The following EGFR variants were observed in gnomAD, a reference collection of about 807,000 sequenced individuals.
EGFR encodes the protein avian erythroblastic leukemia viral (v-erb-b) oncogene homolog.
Under a neutral mutation model 143.0 loss-of-function variants are expected in EGFR, and 58 were observed. The observed-to-expected ratio is 0.41, with a 90% CI of 0.33 to 0.50. EGFR has a LOEUF of 0.50. EGFR is among the 20% of genes least tolerant of loss of function. The pLI is 0.39. For missense variants in EGFR, 1,307 were observed against 1,579.0 expected, an observed-to-expected ratio of 0.83 and a Z score of 2.92; for synonymous variants, 613 against 594.4, an observed-to-expected ratio of 1.03 and a Z score of -0.45.
At chr7:55,129,192 A>G (rs535876779) in intron 1 of EGFR, among the ~76,000 whole-genome samples, 2 of 152,348 alleles carry the variant, frequency 1.3e-5, no homozygotes, top group East Asian at 3.9e-4. Context: ...GGACTACAGA[A>G]GCCAAGAAGC....
In EGFR at chr7:55,201,431, A is replaced by T. The variant is rs1210142642; in HGVS notation, c.3114+76A>T. 5.0e-6 allele frequency: 8 copies of T among 1,598,828 alleles called. No homozygotes were observed. In the African/African-American group the frequency reaches 1.1e-4, roughly 21 times the overall value. On this transcript the variant is annotated intron_variant, in intron 25 of 27. Coordinates refer to ENST00000275493, the MANE Select transcript of EGFR (RefSeq NM_005228.5). The stretch of plus-strand genomic sequence containing the variant: ...AACAAATTGAATTTTAGGGAAAATA[A>T]CCATCTAGTGAAACTCACATGGATA...
rs765291470 is a variant in EGFR, at chr7:55,155,966, G to T, written c.1006+20G>T. Reference sequence around the variant, plus strand: ...GCAAAGGTAGGAAGCCCGCCGGTGTGCGGACGAGGCTTGTTCTCGGCTGCT... The same window carrying T: ...GCAAAGGTAGGAAGCCCGCCGGTGTTCGGACGAGGCTTGTTCTCGGCTGCT... On this transcript the variant is annotated intron_variant, in intron 8 of 27. Transcript: ENST00000275493. 6 of 1,586,080 alleles carry T rather than the reference G, an allele frequency of 3.8e-6. No individual in the cohort carries two copies. Among genetic ancestry groups the T allele is most frequent in the Non-Finnish European group, 5.2e-6 (6 of 1,156,956 alleles).
chr7:55,143,534 G>C (rs1433851464), intron 3 of EGFR, 46 bp downstream of exon 3: 1 of 1,606,634 alleles, frequency 6.2e-7, no homozygotes, highest in African/African-American at 1.3e-5. Flanking sequence ...AATGCAGACA[G>C]CAGTTCCGAT....
At chr7:55,047,421 T>A (rs970767687) in intron 1 of EGFR, among the ~76,000 whole-genome samples, 8 of 152,234 alleles carry the variant, frequency 5.3e-5, no homozygotes, top group African/African-American at 1.7e-4. Flanking sequence ...GGAAAACATA[T>A]TGTGTGTACT....
intron 1 of EGFR, among the ~76,000 whole-genome samples, chr7:55,038,577 TC>T (rs1787729143): frequency 6.6e-6 from 1 of 152,202 alleles, no homozygotes; most frequent in Non-Finnish European, 1.5e-5. Context: ...AAAGTCATTT[TC>T]TCAAACTGGG....
chr7:55,174,336 G>A (rs551975644), intron 18 of EGFR, among the ~76,000 whole-genome samples: 3 of 152,350 alleles, frequency 2.0e-5, no homozygotes, highest in East Asian at 3.9e-4. Context: ...GCCTCTCACC[G>A]CACGGCATCA....
chr7:55,121,816 T>G (rs928680671), intron 1 of EGFR, among the ~76,000 whole-genome samples: 7 of 152,242 alleles, frequency 4.6e-5, no homozygotes, highest in African/African-American at 1.7e-4. Flanking sequence ...GTACCATAAG[T>G]AATTCAGTCA....
At chr7:55,142,658 A>G (rs1305858503) in intron 2 of EGFR, among the ~76,000 whole-genome samples, 6 of 152,248 alleles carry the variant, frequency 3.9e-5, no homozygotes, top group African/African-American at 1.4e-4. Flanking sequence ...CTGGAGTTCC[A>G]TGTCATCATA....
At chr7:55,160,868 T>C (rs4590392) in intron 12 of EGFR, among the ~76,000 whole-genome samples, 5 of 152,250 alleles carry the variant, frequency 3.3e-5, no homozygotes, top group Non-Finnish European at 7.3e-5. Flanking sequence ...GTTTAGGCTT[T>C]GGCTTCCTCA....
intron 4 of EGFR, among the ~76,000 whole-genome samples, chr7:55,149,565 C>T (rs1045520815): frequency 2.0e-5 from 3 of 152,124 alleles, no homozygotes; most frequent in Non-Finnish European, 4.4e-5. Context: ...TCACGTTCTG[C>T]TTGTGGGCAT....
At chr7:55,154,339 C>A (rs1020664283) in intron 7 of EGFR, among the ~76,000 whole-genome samples, 187 bp downstream of exon 7, 1 of 152,190 alleles carries the variant, frequency 6.6e-6, no homozygotes, top group Non-Finnish European at 1.5e-5. Flanking sequence ...TACCGAGGAG[C>A]GGGCAGGTGG....
chr7:55,199,190 CAG>C, intron 23 of EGFR, among the ~76,000 whole-genome samples: 1 of 152,156 alleles, frequency 6.6e-6, no homozygotes, highest in East Asian at 1.9e-4. Flanking sequence ...AGCCTGTTAC[CAG>C]AGAGACTGAA....
At chr7:55,103,936 A>G (rs2877260) in intron 1 of EGFR, among the ~76,000 whole-genome samples, 28,360 of 152,236 alleles carry the variant, frequency 0.19, 3,116 homozygotes, top group Middle Eastern at 0.32. Flanking sequence ...TTGTTTCTAA[A>G]AATTCATTAC....
chr7:55,178,475 G>A (rs529138101), intron 19 of EGFR, among the ~76,000 whole-genome samples: 6 of 152,304 alleles, frequency 3.9e-5, no homozygotes, highest in Admixed American at 6.5e-5. Flanking sequence ...GGGCGCCTCC[G>A]ACCCATTGGG....
rs780851909 is a variant in EGFR, at chr7:55,156,651, A to C, written c.1125A>C (p.Ala375=). 1.9e-6 allele frequency: 3 copies of C among 1,614,226 alleles called. No homozygotes were observed. In the Admixed American group the frequency reaches 5.0e-5, roughly 27 times the overall value. Residue 375 remains alanine, a synonymous_variant, in exon 9 of 28, where the codon GCA becomes GCC. Transcript: ENST00000275493. ...ISGDLHILPV[A]FRGDSFTHTP... ...GCGATCTCCACATCCTGCCGGTGGC[A>C]TTTAGGGGGTGAGTCACAGGTTCAG...
chr7:55,173,874 G>A (rs753056419), intron 17 of EGFR, 47 bp from the exon 18 acceptor site: 2 of 1,614,050 alleles, frequency 1.2e-6, no homozygotes, highest in Non-Finnish European at 1.7e-6. Context: ...TTTCCAGCAT[G>A]GTGAGGGCTG....
chr7:55,036,827 G>A (rs1237058258), intron 1 of EGFR, among the ~76,000 whole-genome samples: 1 of 152,028 alleles, frequency 6.6e-6, no homozygotes. Flanking sequence ...AACCTCTAAG[G>A]AACACCTCCT....
intron 1 of EGFR, among the ~76,000 whole-genome samples, chr7:55,078,471 C>T (rs1790264073): frequency 6.6e-6 from 1 of 152,224 alleles, no homozygotes; most frequent in Admixed American, 6.5e-5. Context: ...CCCTGGGATG[C>T]CTCGGTGCAT....
intron 1 of EGFR, 80 bp from the exon 2 acceptor site, chr7:55,142,206 C>G (rs1794495973): frequency 1.3e-6 from 2 of 1,562,174 alleles, no homozygotes; most frequent in Non-Finnish European, 1.8e-6. Flanking sequence ...ACCCTTAATA[C>G]CTGGACCTTG....
Sources: gnomAD v4.1 joint callset for allele counts (sites outside exome capture counted in the v4.1 genomes callset) on GRCh38, gnomAD v4.1.1 for gene constraint, MANE v1.5 for transcripts, NCBI Gene and HGNC (gene_info 2026-07-23, HGNC 2026-07-21) for gene names.